Variants in PKHD1 observed in about 807,000 individuals in gnomAD.
The protein encoded by PKHD1 is fibrocystin.
PKHD1 carries 291 observed loss-of-function variants against 412.0 expected under a neutral mutation model. The ratio of observed to expected loss-of-function variants is 0.71; its 90% CI spans 0.64 to 0.78. The LOEUF is 0.78. Ranked by LOEUF, PKHD1 falls within the 30% of genes least tolerant of loss-of-function variation. PKHD1 has a pLI of 0.00. For synonymous variants in PKHD1, 1,777 were observed against 1,821.5 expected (o/e 0.98, Z 0.62); for missense variants, 4,825 against 4,950.7 (o/e 0.97, Z 0.76).
At chr6:51,782,450 C>CCA (rs1229116954) in intron 53 of PKHD1, among the ~76,000 whole-genome samples, 32 of 152,058 alleles carry the variant, frequency 2.1e-4, no homozygotes, top group African/African-American at 2.2e-4. Flanking sequence ...TTAGTGTTTC[C>CCA]TGAACCTCTA....
chr6:51,822,862 T>C (rs1766672631), intron 52 of PKHD1, among the ~76,000 whole-genome samples: 1 of 152,170 alleles, frequency 6.6e-6, no homozygotes, highest in African/African-American at 2.4e-5. Flanking sequence ...ATCGATAAAT[T>C]GTTAACCCTA....
rs1389819867 is a variant in PKHD1 at position 52,062,677 on chromosome 6, T to C, written c.977-17A>G. On this transcript the variant is annotated splice_polypyrimidine_tract_variant and intron_variant, in intron 13 of 66. Coordinates refer to ENST00000371117, the MANE Select transcript of PKHD1 (RefSeq NM_138694.4). ...CTCGATTGCCTGTAAGACATGTAGA[T>C]CGCATAAACATTACAGGGCGCACCT... The C allele has an allele frequency of 8.1e-6, 13 of 1,613,882 alleles. No homozygotes were observed. The highest frequency in any genetic ancestry group is 1.1e-5 in the Non-Finnish European group (13 of 1,179,906).
intron 66 of PKHD1, among the ~76,000 whole-genome samples, chr6:51,619,866 C>G (rs541563024): frequency 6.6e-6 from 1 of 152,224 alleles, no homozygotes; most frequent in African/African-American, 2.4e-5. Context: ...TACCAACAGG[C>G]CAACTCACAC....
intron 35 of PKHD1, among the ~76,000 whole-genome samples, chr6:52,003,057 T>C (rs1008402833): frequency 6.6e-6 from 1 of 152,086 alleles, no homozygotes; most frequent in South Asian, 2.1e-4. Flanking sequence ...AATAAATACA[T>C]GTAATTTAAA....
intron 35 of PKHD1, among the ~76,000 whole-genome samples, chr6:52,000,009 T>G (rs1212819325): frequency 1.3e-5 from 2 of 152,202 alleles, no homozygotes; most frequent in Non-Finnish European, 2.9e-5. Context: ...TAATTCTTCA[T>G]CAGGCTTCAG....
rs961674109 is a variant in PKHD1, at chr6:52,017,394, G to C, written c.5600+16C>G. The C allele has an allele frequency of 6.5e-7, 1 of 1,548,740 alleles. No individual in the cohort carries two copies. The highest frequency in any genetic ancestry group is 8.9e-7 in the Non-Finnish European group (1 of 1,120,380). On this transcript the variant is annotated intron_variant, in intron 34 of 66. Coordinates refer to ENST00000371117, the MANE Select transcript of PKHD1 (RefSeq NM_138694.4). ...GCATTTGTGGGGAAGTTCAGGGAGG[G>C]AGAAGGTAAAGTTACCTGATAAAGA...
At chr6:51,849,322 C>A (rs973409831) in intron 49 of PKHD1, among the ~76,000 whole-genome samples, 29 of 151,970 alleles carry the variant, frequency 1.9e-4, no homozygotes, top group African/African-American at 7.0e-4. Context: ...TTTTCCATGT[C>A]TTTGCTATTG....
intron 43 of PKHD1, 58 bp downstream of exon 43, chr6:51,903,539 G>C: frequency 1.3e-6 from 2 of 1,531,100 alleles, no homozygotes; most frequent in Non-Finnish European, 1.8e-6. Flanking sequence ...ACCCCTGATT[G>C]AGAAAGAACT....
intron 36 of PKHD1, among the ~76,000 whole-genome samples, chr6:51,950,220 A>AAAAAAAAAAAAAAAAATAT: frequency 1.0e-5 from 1 of 98,328 alleles, no homozygotes; most frequent in African/African-American, 3.8e-5. Flanking sequence ...GAAAAAAAAA[A>AAAAAAAAAAAAAAAAATAT]ATATATATAT....
chr6:52,025,981 A>G lies in PKHD1; in HGVS notation c.3829T>C (p.Phe1277Leu), dbSNP rs1802112787. Reference sequence around the variant, plus strand: ...CTTGGTGAAGGACCACGGGCGAAGAACCTGTTGCCAGCCCAGACCTCCACG... The same window carrying G: ...CTTGGTGAAGGACCACGGGCGAAGAGCCTGTTGCCAGCCCAGACCTCCACG... ...AAVEVWAGNR[F>L]FARGPSPSLV... Residue 1277 changes from phenylalanine (F) to leucine (L), a missense_variant, in exon 32 of 67, where the codon TTC becomes CTC. Physicochemically the swap from Phe to Leu is conservative, Grantham distance 22. Coordinates refer to ENST00000371117, the MANE Select transcript of PKHD1 (RefSeq NM_138694.4). 3.1e-6 allele frequency: 5 copies of G among 1,614,116 alleles called. No individual in the cohort carries two copies. Among genetic ancestry groups the G allele is most frequent in the Non-Finnish European group, 4.2e-6 (5 of 1,180,038 alleles).
intron 18 of PKHD1, 32 bp from the exon 19 acceptor site, chr6:52,055,761 G>A (rs12196276): frequency 3.7e-6 from 6 of 1,610,964 alleles, no homozygotes; most frequent in Non-Finnish European, 5.1e-6. Flanking sequence ...TAGAAAGGCA[G>A]GCATAGATAT....
chr6:51,730,392 T>G (rs938052513), intron 60 of PKHD1, among the ~76,000 whole-genome samples: 1 of 152,116 alleles, frequency 6.6e-6, no homozygotes, highest in Non-Finnish European at 1.5e-5. Flanking sequence ...AGATAAAAAT[T>G]TCTGAATTGT....
chr6:51,802,533 T>G (rs537239845), intron 52 of PKHD1, among the ~76,000 whole-genome samples: 1 of 151,706 alleles, frequency 6.6e-6, no homozygotes, highest in East Asian at 1.9e-4. Flanking sequence ...ACAGTTGGTG[T>G]TAAAGCCAAA....
intron 52 of PKHD1, among the ~76,000 whole-genome samples, chr6:51,813,265 T>G (rs974285030): frequency 1.7e-4 from 26 of 152,182 alleles, no homozygotes; most frequent in African/African-American, 6.3e-4. Context: ...TCAAACATGG[T>G]GCCAATGTCA....
intron 21 of PKHD1, among the ~76,000 whole-genome samples, chr6:52,052,176 T>C (rs1051250745): frequency 6.6e-6 from 1 of 152,034 alleles, no homozygotes; most frequent in South Asian, 2.1e-4. Flanking sequence ...AAATAAACTA[T>C]AAAAAGTAGG....
At chr6:51,677,779 T>C (rs540402840) in intron 60 of PKHD1, among the ~76,000 whole-genome samples, 38 of 152,248 alleles carry the variant, frequency 2.5e-4, no homozygotes, top group African/African-American at 8.4e-4. Context: ...AGTTAAGTGA[T>C]GGCATGACAA....
At chr6:51,739,288 T>C (rs1784265602) in intron 60 of PKHD1, among the ~76,000 whole-genome samples, 1 of 151,912 alleles carries the variant, frequency 6.6e-6, no homozygotes. Flanking sequence ...TGGAGTGCAG[T>C]GGCGTCATCT....
intron 53 of PKHD1, among the ~76,000 whole-genome samples, chr6:51,790,945 G>A (rs1343262016): frequency 6.6e-6 from 1 of 152,092 alleles, no homozygotes; most frequent in African/African-American, 2.4e-5. Flanking sequence ...AAACCTAAAG[G>A]AAGAATTGAT....
At chr6:51,941,369 C>A (rs1347779206) in intron 36 of PKHD1, among the ~76,000 whole-genome samples, 7 of 148,462 alleles carry the variant, frequency 4.7e-5, no homozygotes, top group African/African-American at 1.7e-4. Context: ...CATTCTCCTG[C>A]CTCAGCCTCC....
Sources: gnomAD v4.1 joint callset for allele counts (sites outside exome capture counted in the v4.1 genomes callset) on GRCh38, gnomAD v4.1.1 for gene constraint, MANE v1.5 for transcripts, NCBI Gene and HGNC (gene_info 2026-07-23, HGNC 2026-07-21) for gene names.